ADARB2: variants seen among roughly 807,000 people sequenced by gnomAD.
ADARB2 encodes inactive double-stranded RNA-specific editase B2.
In ADARB2, 25 loss-of-function variants were observed where a neutral mutation model predicts 62.2. The ratio of observed to expected loss-of-function variants is 0.40; its 90% confidence interval spans 0.29 to 0.56. The LOEUF (loss-of-function observed/expected upper bound fraction) is 0.56, where lower values mean the gene tolerates loss of function less well. Ranked by LOEUF, ADARB2 falls within the 20% of genes least tolerant of loss-of-function variation. The probability of loss-of-function intolerance (pLI) is 0.43; values close to 1 mark genes in which losing one functional copy is unlikely to be tolerated. For missense variants in ADARB2, 1,071 were observed against 1,077.4 expected, an observed-to-expected ratio of 0.99 and a Z score of 0.08; for synonymous variants, 572 against 500.8, an observed-to-expected ratio of 1.14 and a Z score of -1.90.
At chr10:1,567,476 G>A (rs1832873726) in intron 1 of ADARB2, among the ~76,000 whole-genome samples, 1 of 152,100 alleles carries the variant, frequency 6.6e-6, no homozygotes, top group African/African-American at 2.4e-5. Context: ...CAGGCCAGGG[G>A]ACCCTCACTG....
intron 3 of ADARB2, among the ~76,000 whole-genome samples, chr10:1,278,423 C>G (rs1025133335): frequency 6.6e-6 from 1 of 151,710 alleles, no homozygotes; most frequent in Non-Finnish European, 1.5e-5. Context: ...TCTCAACCCC[C>G]TCCCTCCCCA....
At chr10:1,400,280 G>A (rs565089249) in intron 1 of ADARB2, among the ~76,000 whole-genome samples, 2 of 152,292 alleles carry the variant, frequency 1.3e-5, no homozygotes, top group African/African-American at 4.8e-5. Flanking sequence ...GGGCCTCCCT[G>A]AGTCCGAGTC....
chr10:1,660,768 G>A (rs1410324709), intron 1 of ADARB2, among the ~76,000 whole-genome samples: 1 of 152,150 alleles, frequency 6.6e-6, no homozygotes, highest in South Asian at 2.1e-4. Context: ...TCCGCACTGT[G>A]TCAGTATACG....
At chr10:1,660,013 A>G (rs915253468) in intron 1 of ADARB2, among the ~76,000 whole-genome samples, 1 of 142,504 alleles carries the variant, frequency 7.0e-6, no homozygotes, top group Admixed American at 7.0e-5. Context: ...CTGTCCTGTG[A>G]GACCCCGGGG....
At chr10:1,500,820 G>C (rs753430850) in intron 1 of ADARB2, among the ~76,000 whole-genome samples, 2 of 152,192 alleles carry the variant, frequency 1.3e-5, no homozygotes, top group Non-Finnish European at 2.9e-5. Flanking sequence ...GAAAAGCACT[G>C]TTGTGCTGTC....
chr10:1,690,448 G>T lies in ADARB2; in HGVS notation c.100+46603C>A, dbSNP rs11250733. Among the ~76,000 whole-genome samples the T allele has an allele frequency of 2.6e-3, 393 of 152,288 alleles. 2 individuals carry two copies. Among genetic ancestry groups the T allele is most frequent in the African/African-American group, 8.9e-3 (368 of 41,538 alleles). ...CATTTGGTCAGACAGGGTGGTGAGT[G>T]TGGGGTCCCAAGCAGAGAGCCGTGG... On this transcript the variant is annotated intron_variant, in intron 1 of 9. Coordinates refer to ENST00000381312, the MANE Select transcript of ADARB2 (RefSeq NM_018702.4).
intron 3 of ADARB2, among the ~76,000 whole-genome samples, chr10:1,283,180 C>T (rs1431516212): frequency 6.6e-6 from 1 of 152,170 alleles, no homozygotes; most frequent in Non-Finnish European, 1.5e-5. Context: ...AATTTGTATG[C>T]TTGTCTTTCT....
chr10:1,424,901 C>A (rs1354087218), intron 1 of ADARB2, among the ~76,000 whole-genome samples: 1 of 152,124 alleles, frequency 6.6e-6, no homozygotes, highest in African/African-American at 2.4e-5. Context: ...TGGTGGAAAC[C>A]ACCAGCTGTT....
chr10:1,617,602 G>A (rs1833658187), intron 1 of ADARB2, among the ~76,000 whole-genome samples: 2 of 146,654 alleles, frequency 1.4e-5, no homozygotes, highest in Non-Finnish European at 3.0e-5. Context: ...CTGCCCTGCT[G>A]AGCTCTGCAT....
At chr10:1,672,608 T>C (rs1217602729) in intron 1 of ADARB2, among the ~76,000 whole-genome samples, 1 of 150,876 alleles carries the variant, frequency 6.6e-6, no homozygotes, top group East Asian at 2.0e-4. Context: ...GCCCCGCGCC[T>C]GCCTCCCTCC....
At chr10:1,390,377 A>G (rs1268630347) in intron 1 of ADARB2, among the ~76,000 whole-genome samples, 2 of 152,226 alleles carry the variant, frequency 1.3e-5, no homozygotes, top group East Asian at 1.9e-4. Flanking sequence ...TAGATGGGGC[A>G]TGTGCTACAT....
At chr10:1,641,597 C>G (rs930139959) in intron 1 of ADARB2, among the ~76,000 whole-genome samples, 1 of 152,232 alleles carries the variant, frequency 6.6e-6, no homozygotes, top group Non-Finnish European at 1.5e-5. Flanking sequence ...TGCGTCTTTG[C>G]TGCGAGAGTG....
chr10:1,734,582 A>G (rs1002981628), intron 1 of ADARB2, among the ~76,000 whole-genome samples: 1 of 152,206 alleles, frequency 6.6e-6, no homozygotes, highest in Admixed American at 6.5e-5. Flanking sequence ...TGCATCTTCA[A>G]AAATGATTCT....
intron 1 of ADARB2, chr10:1,675,034 T>C: frequency 7.1e-6 from 7 of 983,470 alleles, no homozygotes; most frequent in Non-Finnish European, 8.4e-6. Context: ...ATGGATGTTC[T>C]GGAGGTTTGG....
intron 1 of ADARB2, among the ~76,000 whole-genome samples, chr10:1,554,941 T>C (rs1290156332): frequency 6.6e-6 from 1 of 152,184 alleles, no homozygotes; most frequent in African/African-American, 2.4e-5. Context: ...GAGTATCCAA[T>C]GTTTACCTCC....
chr10:1,688,002 A>G (rs1834617732), intron 1 of ADARB2, among the ~76,000 whole-genome samples: 1 of 152,268 alleles, frequency 6.6e-6, no homozygotes, highest in Non-Finnish European at 1.5e-5. Flanking sequence ...CACTTTGCTT[A>G]TAATATCATT....
Position 1,234,737 on chromosome 10 carries a change from C to CTT in ADARB2, c.1362-894_1362-893dup, listed in dbSNP as rs71376899. Among the ~76,000 whole-genome samples, 210 of 53,638 alleles carry CTT rather than the reference C, an allele frequency of 3.9e-3. 22 individuals carry two copies. The highest frequency in any genetic ancestry group is 0.013 in the East Asian group (17 of 1,330). The allele number at this position is 53,638 out of a possible 152,430, so 35.2% of individuals were successfully genotyped here. Reference sequence around the variant, plus strand: ...GATTACAGGTGCGAGCGACCATGATCTTTTTTTTTTTTTTTTTTTTTTTTT... The same window carrying CTT: ...GATTACAGGTGCGAGCGACCATGATCTTTTTTTTTTTTTTTTTTTTTTTTTTT... On this transcript the variant is annotated intron_variant, in intron 5 of 9. Coordinates refer to ENST00000381312, the MANE Select transcript of ADARB2 (RefSeq NM_018702.4).
chr10:1,530,923 TCAGCACC>T (rs1832225375), intron 1 of ADARB2, among the ~76,000 whole-genome samples: 1 of 151,780 alleles, frequency 6.6e-6, no homozygotes, highest in African/African-American at 2.4e-5. Context: ...GTCTCAGCAC[TCAGCACC>T]CAGCACTCAG....
At chr10:1,721,036 G>C (rs903572582) in intron 1 of ADARB2, among the ~76,000 whole-genome samples, 13 of 152,186 alleles carry the variant, frequency 8.5e-5, no homozygotes, top group Admixed American at 2.0e-4. Flanking sequence ...TTATGAGGAA[G>C]AATACAGTTA....
Sources: allele counts gnomAD v4.1 joint callset (sites outside exome capture counted in the v4.1 genomes callset), GRCh38; gene constraint gnomAD v4.1.1; transcripts MANE v1.5; gene names NCBI Gene and HGNC (gene_info 2026-07-23, HGNC 2026-07-21).